Variants in SNX14 observed in about 807,000 individuals in gnomAD.
SNX14 encodes the protein sorting nexin-14.
In SNX14, 93 loss-of-function variants were observed where a neutral mutation model predicts 133.8. The ratio of observed to expected loss-of-function variants is 0.70; its 90% confidence interval spans 0.59 to 0.83. The LOEUF (loss-of-function observed/expected upper bound fraction) is 0.83, where lower values mean the gene tolerates loss of function less well. Among genes scored for constraint, SNX14 ranks in the 40% least tolerant of loss-of-function variants. The probability of loss-of-function intolerance (pLI) is 0.00; values close to 1 mark genes in which losing one functional copy is unlikely to be tolerated. For missense variants in SNX14, 945 were observed against 1,094.9 expected, an observed-to-expected ratio of 0.86 and a Z score of 1.93; for synonymous variants, 368 against 365.6, an observed-to-expected ratio of 1.01 and a Z score of -0.07.
At chr6:85,514,481 A>G (rs1253927787) in intron 24 of SNX14, 25 bp downstream of exon 24, 1 of 1,603,440 alleles carries the variant, frequency 6.2e-7, no homozygotes, top group Non-Finnish European at 8.5e-7. Context: ...AATGAAAAAC[A>G]AGTCTTAAAC....
intron 1 of SNX14, among the ~76,000 whole-genome samples, chr6:85,577,281 G>A (rs1256063985): frequency 3.3e-5 from 5 of 152,090 alleles, no homozygotes; most frequent in African/African-American, 7.2e-5. Flanking sequence ...GGCTGGGCAT[G>A]GTGGCGCATG....
At chr6:85,546,965 CAAAA>C (rs375373506) in intron 12 of SNX14, 143 bp downstream of exon 12, 4,032 of 387,274 alleles carry the variant, frequency 0.01, no homozygotes, top group South Asian at 0.014. Context: ...CCGCCTCAAA[CAAAA>C]AAAAAAAAAA....
At chr6:85,539,980 A>ATTTTATTTTATTTT (rs373382074) in intron 15 of SNX14, among the ~76,000 whole-genome samples, 24 of 150,598 alleles carry the variant, frequency 1.6e-4, no homozygotes, top group South Asian at 2.1e-4. Context: ...ATTTTATTTT[A>ATTTTATTTTATTTT]ATTGAGGCGG....
intron 6 of SNX14, among the ~76,000 whole-genome samples, chr6:85,564,375 T>C (rs935855298): frequency 9.8e-5 from 15 of 152,368 alleles, no homozygotes; most frequent in Non-Finnish European, 1.6e-4. Flanking sequence ...TGAACTAGTT[T>C]ACAGTCCCAC....
intron 6 of SNX14, among the ~76,000 whole-genome samples, chr6:85,564,132 T>C (rs1056666290): frequency 6.6e-6 from 1 of 152,216 alleles, no homozygotes; most frequent in Admixed American, 6.5e-5. Flanking sequence ...TAGTATTCCA[T>C]GGTGTATTTG....
At chr6:85,588,765 T>C (rs1022948362) in intron 1 of SNX14, 4 of 392,248 alleles carry the variant, frequency 1.0e-5, no homozygotes, top group African/African-American at 2.1e-5. Flanking sequence ...TTAGTACTTA[T>C]TTTGTATATG....
At chr6:85,588,571 G>A (rs915874863) in intron 1 of SNX14, among the ~76,000 whole-genome samples, 59 of 84,592 alleles carry the variant, frequency 7.0e-4, no homozygotes, top group African/African-American at 2.5e-3. Flanking sequence ...GCGAGACTCC[G>A]TCTCTAAATA....
At chr6:85,547,437 A>C in intron 10 of SNX14, 40 bp from the exon 11 acceptor site, 1 of 1,607,042 alleles carries the variant, frequency 6.2e-7, no homozygotes, top group Non-Finnish European at 8.5e-7. Flanking sequence ...TAAAATTCCC[A>C]CTTGATTTGA....
At chr6:85,546,554 G>T (rs1348910293) in intron 12 of SNX14, among the ~76,000 whole-genome samples, 1 of 152,026 alleles carries the variant, frequency 6.6e-6, no homozygotes, top group Middle Eastern at 3.4e-3. Flanking sequence ...TCATTATACT[G>T]TACTTTTAGT....
intron 6 of SNX14, among the ~76,000 whole-genome samples, chr6:85,562,442 T>C (rs921184664): frequency 7.4e-4 from 113 of 152,310 alleles, no homozygotes; most frequent in Middle Eastern, 3.4e-3. Context: ...TACAAAATGA[T>C]TGTTCATGGC....
chr6:85,529,682 T>C (rs968058335), intron 19 of SNX14, among the ~76,000 whole-genome samples: 3 of 152,228 alleles, frequency 2.0e-5, no homozygotes, highest in African/African-American at 7.2e-5. Flanking sequence ...TCACAGGCTT[T>C]GCTCTTACAG....
In SNX14 at chr6:85,538,742, T is replaced by C. The variant is rs9294337; in HGVS notation, c.1475+96A>G. 675,976 of 1,006,946 alleles carry C rather than the reference T, an allele frequency of 0.67. 231,333 individuals carry two copies. Among genetic ancestry groups the C allele is most frequent in the African/African-American group, 0.92 (54,351 of 58,868 alleles). 62.4% of individuals were successfully genotyped at this position (1,006,946 alleles called of 1,614,324 possible). ...GATATAATGGCAGTTAATACCACAG[T>C]GTTCCATTTTTTTCCTTTTTATTTG... On this transcript the variant is annotated intron_variant, in intron 16 of 28. Coordinates refer to ENST00000314673, the MANE Select transcript of SNX14 (RefSeq NM_153816.6).
In SNX14 at chr6:85,514,202, G is replaced by T; in HGVS notation, c.2425C>A (p.His809Asn). 5 of 1,613,656 alleles carry T rather than the reference G, an allele frequency of 3.1e-6. No homozygotes were observed. The highest frequency in any genetic ancestry group is 4.2e-6 in the Non-Finnish European group (5 of 1,179,856). Residue 809 changes from histidine to asparagine, a missense_variant, in exon 25 of 29, where the codon CAT becomes AAT. Coordinates refer to ENST00000314673, the MANE Select transcript of SNX14 (RefSeq NM_153816.6). ...RVVFQVPDWL[H>N]HLLMGTRILF... ...ATTCGAGTTCCCATTAAGAGATGAT[G>T]AAGCCAGTCAGGAACCTGGAAAACT... is the stretch of plus-strand genomic sequence containing the variant.
chr6:85,550,978 A>T, intron 7 of SNX14, among the ~76,000 whole-genome samples: 1 of 151,676 alleles, frequency 6.6e-6, no homozygotes, highest in East Asian at 1.9e-4. Flanking sequence ...ACAGGGTTTC[A>T]CCATGTTGGC....
chr6:85,561,223 C>G (rs1791455515), intron 6 of SNX14: 1 of 151,638 alleles, frequency 6.6e-6, no homozygotes, highest in African/African-American at 2.4e-5. Flanking sequence ...GCCTATAAGC[C>G]TGTAATCCCA....
intron 6 of SNX14, among the ~76,000 whole-genome samples, chr6:85,564,324 C>T (rs1233492423): frequency 6.6e-6 from 1 of 152,168 alleles, no homozygotes; most frequent in Non-Finnish European, 1.5e-5. Context: ...ATTTCTAGTT[C>T]TAGATCCTTG....
chr6:85,549,934 G>A (rs902637803), intron 7 of SNX14, 55 bp from the exon 8 acceptor site: 26 of 1,482,056 alleles, frequency 1.8e-5, no homozygotes, highest in Middle Eastern at 2.2e-4. Context: ...AAATAATTTC[G>A]GTCATTTCCA....
chr6:85,565,732 G>T (rs747505570), intron 5 of SNX14, among the ~76,000 whole-genome samples: 15 of 151,690 alleles, frequency 9.9e-5, no homozygotes, highest in Non-Finnish European at 2.1e-4. Flanking sequence ...AAAGTTCAAA[G>T]AAATAAAACA....
intron 4 of SNX14, among the ~76,000 whole-genome samples, chr6:85,570,072 T>G (rs979008907): frequency 6.6e-6 from 1 of 152,206 alleles, no homozygotes; most frequent in Non-Finnish European, 1.5e-5. Flanking sequence ...ATACTAATTC[T>G]ATATACCTTA....
Sources: allele counts gnomAD v4.1 joint callset (sites outside exome capture counted in the v4.1 genomes callset), GRCh38; gene constraint gnomAD v4.1.1; transcripts MANE v1.5; gene names NCBI Gene and HGNC (gene_info 2026-07-23, HGNC 2026-07-21).